CSGALNACT1: variants seen among roughly 807,000 people sequenced by gnomAD.
The protein encoded by CSGALNACT1 is beta4GalNAcT-1.
A neutral mutation model predicts 51.0 loss-of-function variants in CSGALNACT1; 52 were observed. The observed-to-expected ratio is 1.02, with a 90% CI of 0.82 to 1.29. CSGALNACT1 has a LOEUF of 1.29. Among genes scored for constraint, CSGALNACT1 ranks in the 50% most tolerant of loss-of-function variants. The pLI is 0.00. For synonymous variants in CSGALNACT1, 341 were observed against 254.4 expected (o/e 1.34, Z -3.24); for missense variants, 935 against 679.2 (o/e 1.38, Z -4.19).
chr8:19,488,446 C>G lies in CSGALNACT1; in HGVS notation c.634+16755G>C, dbSNP rs372249936. The stretch of plus-strand genomic sequence containing the variant: ...ATCAGAATTCTAACTTTGTAAAGAG[C>G]CCTTCTTCACTGAACAATGTTTACT... On this transcript the variant is annotated intron_variant, in intron 4 of 9. Coordinates refer to ENST00000454498, the Ensembl canonical transcript of CSGALNACT1. Among the ~76,000 whole-genome samples, 28 of 142,740 alleles carry G rather than the reference C, an allele frequency of 2.0e-4. 1 individual carries two copies. The East Asian group carries it at 2.2e-3, about 11-fold the overall frequency. The allele number at this position is 142,740 out of a possible 152,430, so 93.6% of individuals were successfully genotyped here. A position where few individuals can be genotyped will look rare whatever the true frequency, so the allele number is the denominator to read the frequency against.
chr8:19,734,206 C>G (rs2154247089), intron 1 of CSGALNACT1, among the ~76,000 whole-genome samples: 1 of 152,342 alleles, frequency 6.6e-6, no homozygotes, highest in Non-Finnish European at 1.5e-5. Context: ...AACCTGAAAT[C>G]TACACCTTGT....
intron 3 of CSGALNACT1, among the ~76,000 whole-genome samples, chr8:19,528,873 A>C (rs1032054446): frequency 1.3e-5 from 2 of 152,214 alleles, no homozygotes; most frequent in African/African-American, 4.8e-5. Flanking sequence ...CCAAACGCTA[A>C]GGCTAGGATG....
chr8:19,616,825 G>A (rs767759101), intron 1 of CSGALNACT1, among the ~76,000 whole-genome samples: 1 of 152,192 alleles, frequency 6.6e-6, no homozygotes, highest in African/African-American at 2.4e-5. Flanking sequence ...GCAGAACTGT[G>A]AGCCAATTAA....
intron 1 of CSGALNACT1, among the ~76,000 whole-genome samples, chr8:19,706,374 TA>T (rs1413816883): frequency 2.0e-5 from 3 of 152,170 alleles, no homozygotes; most frequent in Non-Finnish European, 4.4e-5. Flanking sequence ...TGTTACTTCC[TA>T]AAAGGAAAAC....
intron 3 of CSGALNACT1, among the ~76,000 whole-genome samples, chr8:19,583,271 A>C (rs1258090832): frequency 1.3e-5 from 2 of 152,214 alleles, no homozygotes. Context: ...ATAATTGTCC[A>C]TGTATTTATC....
chr8:19,610,615 C>G (rs1291881178), intron 1 of CSGALNACT1, among the ~76,000 whole-genome samples: 1 of 152,192 alleles, frequency 6.6e-6, no homozygotes, highest in Non-Finnish European at 1.5e-5. Context: ...AGAAGGAGAA[C>G]AATGCAGAGT....
At chr8:19,554,515 C>G (rs1283347701) in intron 3 of CSGALNACT1, among the ~76,000 whole-genome samples, 3 of 48,202 alleles carry the variant, frequency 6.2e-5, no homozygotes, top group African/African-American at 5.3e-4. Context: ...AATAGAGGAA[C>G]TAAAAATGCG....
At chr8:19,420,014 C>G (rs1319585062) in intron 7 of CSGALNACT1, among the ~76,000 whole-genome samples, 1 of 152,140 alleles carries the variant, frequency 6.6e-6, no homozygotes, top group East Asian at 1.9e-4. Flanking sequence ...CATGGGAGTT[C>G]CCTTACACAC....
chr8:19,725,292 G>C (rs1390012905), intron 1 of CSGALNACT1, among the ~76,000 whole-genome samples: 5 of 152,210 alleles, frequency 3.3e-5, no homozygotes, highest in African/African-American at 1.2e-4. Flanking sequence ...ATAAGAATCT[G>C]CGTCCTGGCT....
At chr8:19,612,100 T>G (rs1294224013) in intron 1 of CSGALNACT1, among the ~76,000 whole-genome samples, 1 of 152,180 alleles carries the variant, frequency 6.6e-6, no homozygotes, top group Non-Finnish European at 1.5e-5. Context: ...CCCATCATTT[T>G]AGGAGGCTAA....
chr8:19,615,413 C>T (rs982321722), intron 1 of CSGALNACT1, among the ~76,000 whole-genome samples: 1 of 152,202 alleles, frequency 6.6e-6, no homozygotes, highest in East Asian at 1.9e-4. Flanking sequence ...TCTTTTGAAC[C>T]CTCTCTTTGA....
At chr8:19,739,413 C>G (rs1260640574) in intron 1 of CSGALNACT1, among the ~76,000 whole-genome samples, 1 of 152,098 alleles carries the variant, frequency 6.6e-6, no homozygotes, top group Non-Finnish European at 1.5e-5. Context: ...TGCTGTTACT[C>G]TTCTCTCTGG....
rs920217071 is a variant in CSGALNACT1, at chr8:19,602,276, G to A, written c.-795C>T. The A allele has an allele frequency of 3.7e-5, 6 of 160,996 alleles. No homozygotes were observed. The East Asian group carries it at 1.1e-3, about 29-fold the overall frequency. 10.0% of individuals were successfully genotyped at this position (160,996 alleles called of 1,614,324 possible). Reference sequence around the variant, plus strand: ...GGGTTTCCAGGTTGGGGTCAGGAGGGAAAGTGCTGCCCCCCTCTGCAAGGA... The same window carrying A: ...GGGTTTCCAGGTTGGGGTCAGGAGGAAAAGTGCTGCCCCCCTCTGCAAGGA... On this transcript the variant is annotated 5_prime_UTR_variant, in exon 1 of 10. Transcript: ENST00000454498.
intron 3 of CSGALNACT1, among the ~76,000 whole-genome samples, chr8:19,523,043 C>A (rs17128553): frequency 6.6e-6 from 1 of 152,200 alleles, no homozygotes; most frequent in South Asian, 2.1e-4. Flanking sequence ...TTTGAATACA[C>A]TCGTGTGAAG....
intron 1 of CSGALNACT1, among the ~76,000 whole-genome samples, chr8:19,728,560 C>A (rs1476480673): frequency 6.6e-6 from 1 of 152,070 alleles, no homozygotes; most frequent in Non-Finnish European, 1.5e-5. Flanking sequence ...CCTATTTGCA[C>A]AGACTTGTTC....
At chr8:19,681,114 A>G (rs1171060695) in intron 1 of CSGALNACT1, among the ~76,000 whole-genome samples, 1 of 152,154 alleles carries the variant, frequency 6.6e-6, no homozygotes, top group Non-Finnish European at 1.5e-5. Context: ...GAAGATATGA[A>G]GGGACGACCT....
chr8:19,684,969 T>C (rs537012159), upstream of CSGALNACT1, among the ~76,000 whole-genome samples: 5 of 152,358 alleles, frequency 3.3e-5, no homozygotes, highest in African/African-American at 1.2e-4. Context: ...CACTTTCTAC[T>C]GTAACAGCAC....
intron 1 of CSGALNACT1, among the ~76,000 whole-genome samples, chr8:19,664,654 C>A (rs865814598): frequency 2.7e-5 from 4 of 148,164 alleles, no homozygotes; most frequent in South Asian, 4.4e-4. Flanking sequence ...CAAACACACA[C>A]ACACACACAC....
chr8:19,589,088 C>T (rs751608606), intron 3 of CSGALNACT1, among the ~76,000 whole-genome samples: 2 of 152,170 alleles, frequency 1.3e-5, no homozygotes, highest in Non-Finnish European at 1.5e-5. Flanking sequence ...TGTTTGTGGT[C>T]CTTTCCCATA....
Sources: gnomAD v4.1 joint callset for allele counts (sites outside exome capture counted in the v4.1 genomes callset) on GRCh38, gnomAD v4.1.1 for gene constraint, MANE v1.5 for transcripts, NCBI Gene and HGNC (gene_info 2026-07-23, HGNC 2026-07-21) for gene names.